Variants in SYNJ2 observed in about 807,000 individuals in gnomAD.
SYNJ2 encodes synaptojanin 2, also known as polyphosphatidylinositol phosphatase SYNJ2.
A neutral mutation model predicts 141.3 loss-of-function variants in SYNJ2; 116 were observed. That is an observed-to-expected ratio of 0.82 (90% CI 0.71 to 0.96). The LOEUF is 0.96. SYNJ2 is among the 40% of genes least tolerant of loss of function. The pLI is 0.00. For synonymous variants in SYNJ2, 745 were observed against 777.7 expected, an observed-to-expected ratio of 0.96 and a Z score of 0.70; for missense variants, 1,873 against 1,934.8, an observed-to-expected ratio of 0.97 and a Z score of 0.60.
At chr6:158,047,805 A>AAAAAAAAC (rs1780337766) in intron 5 of SYNJ2, among the ~76,000 whole-genome samples, 16 of 133,660 alleles carry the variant, frequency 1.2e-4, no homozygotes, top group African/African-American at 4.3e-4. Flanking sequence ...AAAAAAAAAA[A>AAAAAAAAC]CACACAGTAT....
intron 1 of SYNJ2, among the ~76,000 whole-genome samples, chr6:158,016,654 G>A (rs1011900570): frequency 3.3e-5 from 5 of 152,084 alleles, no homozygotes; most frequent in Admixed American, 3.3e-4. Context: ...TGTCAGTTTT[G>A]CATTAAAACT....
intron 1 of SYNJ2, among the ~76,000 whole-genome samples, chr6:158,010,874 T>G (rs1778239635): frequency 7.3e-6 from 1 of 137,568 alleles, no homozygotes; most frequent in Non-Finnish European, 1.5e-5. Context: ...GAGGATGGCC[T>G]CGTGACAACG....
Position 158,071,882 on chromosome 6 carries a change from C to A in SYNJ2, c.2133+88C>A. On this transcript the variant is annotated intron_variant, in intron 15 of 26. Transcript: ENST00000355585. This position sits in a 1 kb window ranked among gnomAD's most constrained non-coding sequence, Gnocchi z 4.3. Reference sequence around the variant, plus strand: ...TGATAGGAGCCAGGCACTGGGGACACAACCACAGGGAGGGCCCCTTCCTGG... The same window carrying A: ...TGATAGGAGCCAGGCACTGGGGACAAAACCACAGGGAGGGCCCCTTCCTGG... 1 of 1,453,888 alleles carries A rather than the reference C, an allele frequency of 6.9e-7. No individual in the cohort carries two copies. The highest frequency in any genetic ancestry group is 9.3e-7 in the Non-Finnish European group (1 of 1,078,448). 90.1% of individuals were successfully genotyped at this position (1,453,888 alleles called of 1,614,324 possible).
chr6:158,076,321 C>G (rs1314164683), intron 16 of SYNJ2, among the ~76,000 whole-genome samples: 1 of 152,192 alleles, frequency 6.6e-6, no homozygotes, highest in East Asian at 1.9e-4. Context: ...GATGAGCACC[C>G]CTGACCCGTG....
At chr6:158,067,616 T>C (rs983880305) in intron 12 of SYNJ2, 11 of 985,342 alleles carry the variant, frequency 1.1e-5, no homozygotes, top group Non-Finnish European at 1.2e-5. Flanking sequence ...GTTCAGGTTT[T>C]TGCCTGTTGG....
At chr6:158,066,876 T>C (rs1374291151) in intron 12 of SYNJ2, among the ~76,000 whole-genome samples, 1 of 152,214 alleles carries the variant, frequency 6.6e-6, no homozygotes, top group Non-Finnish European at 1.5e-5. Context: ...TCTCTTTGCA[T>C]ACAGTGATGG....
intron 2 of SYNJ2, among the ~76,000 whole-genome samples, chr6:158,020,977 T>G (rs752336452): frequency 6.6e-6 from 1 of 152,212 alleles, no homozygotes; most frequent in Non-Finnish European, 1.5e-5. Flanking sequence ...TCCCCTTTCC[T>G]TCCTGAAATG....
intron 26 of SYNJ2, chr6:158,094,087 G>C (rs1056493788): frequency 2.9e-6 from 2 of 691,650 alleles, no homozygotes; most frequent in Non-Finnish European, 5.3e-6. Flanking sequence ...CCCCTAGAGA[G>C]TGTGAGGGGG....
chr6:158,031,591 C>T (rs1217875979), intron 3 of SYNJ2, among the ~76,000 whole-genome samples: 2 of 150,174 alleles, frequency 1.3e-5, no homozygotes, highest in African/African-American at 5.0e-5. Context: ...TGGGCTTGAT[C>T]GCCTGAACCC....
At chr6:157,996,405 C>T (rs1777634187) in intron 1 of SYNJ2, among the ~76,000 whole-genome samples, 1 of 152,156 alleles carries the variant, frequency 6.6e-6, no homozygotes, top group Non-Finnish European at 1.5e-5. Context: ...TCTTCCCCTG[C>T]TCCCCGTATA....
At chr6:158,016,366 C>T (rs896244428) in intron 1 of SYNJ2, among the ~76,000 whole-genome samples, 2 of 152,134 alleles carry the variant, frequency 1.3e-5, no homozygotes, top group Non-Finnish European at 2.9e-5. Flanking sequence ...CGCCTGCCTT[C>T]GCCTCCCAAA....
intron 4 of SYNJ2, among the ~76,000 whole-genome samples, chr6:158,039,808 G>A (rs981889790): frequency 6.6e-6 from 1 of 152,164 alleles, no homozygotes; most frequent in African/African-American, 2.4e-5. Flanking sequence ...CCTCCAGTAG[G>A]AAGGAGGACT....
chr6:158,004,957 C>T (rs908066471), intron 1 of SYNJ2, among the ~76,000 whole-genome samples: 6 of 152,072 alleles, frequency 3.9e-5, no homozygotes, highest in African/African-American at 7.2e-5. Context: ...GTGACCCCAC[C>T]CCTGCAGCCA....
At chr6:158,055,095 A>G in intron 6 of SYNJ2, 67 bp downstream of exon 6, 1 of 1,563,778 alleles carries the variant, frequency 6.4e-7, no homozygotes. Context: ...CCCATCAGAC[A>G]CAAGGGAGAG....
At chr6:158,069,380 TAGA>T (rs1378455654) in intron 13 of SYNJ2, among the ~76,000 whole-genome samples, 150 bp from the exon 14 acceptor site, 3 of 152,146 alleles carry the variant, frequency 2.0e-5, no homozygotes, top group East Asian at 1.9e-4. Context: ...GATCCTCCAG[TAGA>T]AGAAGGAAAG....
At chr6:158,067,523 C>G (rs1398437365) in intron 12 of SYNJ2, 1 of 985,328 alleles carries the variant, frequency 1.0e-6, no homozygotes. Context: ...ATAAATGATT[C>G]TTGTCCAGTC....
intron 2 of SYNJ2, among the ~76,000 whole-genome samples, chr6:158,022,840 C>A (rs1778845353): frequency 6.6e-6 from 1 of 152,190 alleles, no homozygotes; most frequent in Admixed American, 6.5e-5. Flanking sequence ...TCGGGAGGGG[C>A]CTCACACACC....
intron 5 of SYNJ2, among the ~76,000 whole-genome samples, chr6:158,050,280 A>T (rs985060082): frequency 8.5e-5 from 13 of 152,164 alleles, no homozygotes; most frequent in Admixed American, 1.3e-4. Flanking sequence ...ACCCCTGGAG[A>T]GTCTGGCTCA....
chr6:158,074,503 A>G (rs907324741), intron 15 of SYNJ2, 77 bp from the exon 16 acceptor site: 3 of 1,485,548 alleles, frequency 2.0e-6, no homozygotes, highest in Non-Finnish European at 2.7e-6. Context: ...TGCTTGCCCC[A>G]GTGAGCTTGT....
Sources: gnomAD v4.1 joint callset for allele counts (sites outside exome capture counted in the v4.1 genomes callset) on GRCh38, gnomAD v4.1.1 for gene constraint, Gnocchi (gnomAD v3.1) non-coding constraint, MANE v1.5 for transcripts, NCBI Gene and HGNC (gene_info 2026-07-23, HGNC 2026-07-21) for gene names.